The following DOCK8 variants were observed in gnomAD, a reference collection of about 807,000 sequenced individuals.
DOCK8 encodes the protein dedicator of cytokinesis protein 8.
In DOCK8, 141 loss-of-function variants were observed where a neutral mutation model predicts 245.6. That is an observed-to-expected ratio of 0.57 (90% confidence interval 0.50 to 0.66). The LOEUF is 0.66. Ranked by LOEUF, DOCK8 falls within the 30% of genes least tolerant of loss-of-function variation. The pLI, the probability that DOCK8 is intolerant of heterozygous loss-of-function variation, is 0.00. For synonymous variants in DOCK8, 1,168 were observed against 970.2 expected, an observed-to-expected ratio of 1.20 and a Z score of -3.79; for missense variants, 2,965 against 2,603.4, an observed-to-expected ratio of 1.14 and a Z score of -3.02.
chr9:421,114 G>A (rs1456873831), intron 32 of DOCK8, 36 bp downstream of exon 32: 30 of 1,613,122 alleles, frequency 1.9e-5, no homozygotes, highest in Non-Finnish European at 2.5e-5. Context: ...TCTCTGTCAA[G>A]CAGTTTTTCA....
intron 2 of DOCK8, among the ~76,000 whole-genome samples, chr9:285,719 T>G (rs1206559811): frequency 6.6e-6 from 1 of 152,202 alleles, no homozygotes; most frequent in Non-Finnish European, 1.5e-5. Context: ...ATTATTTCTT[T>G]TACTCCCCCT....
chr9:261,184 C>CT (rs1390044589), intron 1 of DOCK8, among the ~76,000 whole-genome samples: 1 of 151,794 alleles, frequency 6.6e-6, no homozygotes, highest in Non-Finnish European at 1.5e-5. Context: ...GTACAATATG[C>CT]TTTTTTATAC....
chr9:366,416 T>A (rs1255592532), intron 14 of DOCK8: 1 of 152,210 alleles, frequency 6.6e-6, no homozygotes, highest in Non-Finnish European at 1.5e-5. Flanking sequence ...ACGTAACGGC[T>A]CCTGTGTGTT....
At chr9:440,426 C>T (rs1017345011) in intron 40 of DOCK8, among the ~76,000 whole-genome samples, 9 of 152,208 alleles carry the variant, frequency 5.9e-5, no homozygotes, top group Admixed American at 3.9e-4. Context: ...CTATACTATA[C>T]TCATCCTTAT....
At chr9:376,786 G>C (rs551708601) in intron 19 of DOCK8, among the ~76,000 whole-genome samples, 191 bp from the exon 20 acceptor site, 1 of 152,130 alleles carries the variant, frequency 6.6e-6, no homozygotes, top group African/African-American at 2.4e-5. Context: ...TTATTGAAAC[G>C]TTCAACTTCA....
intron 2 of DOCK8, among the ~76,000 whole-genome samples, chr9:273,430 G>C (rs541828243): frequency 6.6e-6 from 1 of 152,132 alleles, no homozygotes; most frequent in East Asian, 1.9e-4. Context: ...ATATTTAATT[G>C]AAAAATCAAA....
chr9:235,444 G>A (rs1157802476), intron 1 of DOCK8, among the ~76,000 whole-genome samples: 3 of 152,200 alleles, frequency 2.0e-5, no homozygotes, highest in African/African-American at 7.2e-5. Context: ...GGACATTTAA[G>A]TCTGCAGAGG....
chr9:273,198 T>TA, intron 2 of DOCK8: 1 of 868,304 alleles, frequency 1.2e-6, no homozygotes, highest in Non-Finnish European at 1.4e-6. Context: ...TAGCATCTTT[T>TA]ACTGCAGGAG....
chr9:422,953 C>T (rs1267118966), intron 33 of DOCK8, among the ~76,000 whole-genome samples: 1 of 148,664 alleles, frequency 6.7e-6, no homozygotes, highest in African/African-American at 2.5e-5. Context: ...CCATTGCACT[C>T]CAGCCTGGGT....
rs531740714 is a variant in DOCK8 at position 394,483 on chromosome 9, G to A, written c.2971-2302G>A. On this transcript the variant is annotated intron_variant, in intron 24 of 47. Transcript: ENST00000432829. ...AAAGACAACAGCTTCCTTGGCCTTA[G>A]CCAACAACCTGGGCAATTTAACACC... Among the ~76,000 whole-genome samples the A allele has an allele frequency of 3.9e-5, 6 of 152,358 alleles. No individual in the cohort carries two copies. In the South Asian group the frequency reaches 1.2e-3, roughly 32 times the overall value.
intron 10 of DOCK8, among the ~76,000 whole-genome samples, chr9:333,276 G>A (rs1563931204): frequency 6.6e-6 from 1 of 152,230 alleles, no homozygotes; most frequent in Non-Finnish European, 1.5e-5. Flanking sequence ...TTTCTCAACA[G>A]CAATTTGCAA....
intron 1 of DOCK8, among the ~76,000 whole-genome samples, chr9:237,314 C>T (rs1315508311): frequency 6.6e-6 from 1 of 152,238 alleles, no homozygotes; most frequent in Non-Finnish European, 1.5e-5. Context: ...ATTGTCCTAT[C>T]AGCCAGGCAG....
intron 14 of DOCK8, among the ~76,000 whole-genome samples, chr9:355,660 T>G (rs1211786404): frequency 6.6e-6 from 1 of 152,194 alleles, no homozygotes; most frequent in Non-Finnish European, 1.5e-5. Flanking sequence ...GTTTTTTACC[T>G]AGAAAGCAGA....
intron 1 of DOCK8, among the ~76,000 whole-genome samples, chr9:235,909 C>T (rs2047234899): frequency 6.6e-6 from 1 of 152,208 alleles, no homozygotes; most frequent in Non-Finnish European, 1.5e-5. Flanking sequence ...CACCCACTGT[C>T]CTGTACCTAC....
intron 1 of DOCK8, among the ~76,000 whole-genome samples, chr9:257,809 G>A (rs1396984223): frequency 2.6e-5 from 4 of 152,178 alleles, no homozygotes; most frequent in East Asian, 1.9e-4. Flanking sequence ...GAGCCACCGC[G>A]CCCAGCCAGG....
At chr9:369,093 A>G (rs1042961191) in intron 15 of DOCK8, 5 of 152,042 alleles carry the variant, frequency 3.3e-5, no homozygotes, top group African/African-American at 1.2e-4. Context: ...GGCGTGAGCC[A>G]CTGCACGCAG....
At chr9:376,106 A>G (rs970329441) in intron 18 of DOCK8, 104 bp from the exon 19 acceptor site, 1 of 857,068 alleles carries the variant, frequency 1.2e-6, no homozygotes, top group East Asian at 2.4e-5. Context: ...AGAGTTCTGT[A>G]TTTGTATAAC....
chr9:394,576 G>C (rs2054356933), intron 24 of DOCK8, among the ~76,000 whole-genome samples: 1 of 152,208 alleles, frequency 6.6e-6, no homozygotes, highest in South Asian at 2.1e-4. Flanking sequence ...TAAACACAAT[G>C]CTTGGGCGAC....
intron 26 of DOCK8, among the ~76,000 whole-genome samples, chr9:399,963 AC>A (rs1256368689): frequency 6.8e-6 from 1 of 147,974 alleles, no homozygotes; most frequent in Non-Finnish European, 1.5e-5. Context: ...GCCCACTATC[AC>A]CACCTTCTCC....
Sources: gnomAD v4.1 joint callset for allele counts (sites outside exome capture counted in the v4.1 genomes callset) on GRCh38, gnomAD v4.1.1 for gene constraint, MANE v1.5 for transcripts, NCBI Gene and HGNC (gene_info 2026-07-23, HGNC 2026-07-21) for gene names.